The following TMED3 variants were observed in gnomAD, a reference collection of about 807,000 sequenced individuals.
TMED3 encodes the protein transmembrane p24 trafficking protein 3.
A neutral mutation model predicts 15.0 loss-of-function variants in TMED3; 9 were observed. The ratio of observed to expected loss-of-function variants is 0.60; its 90% confidence interval spans 0.36 to 1.04. The LOEUF is 1.04. Ranked by LOEUF, TMED3 falls within the 50% of genes least tolerant of loss-of-function variation. The pLI is 0.01. For missense variants in TMED3, 267 were observed against 278.9 expected (o/e 0.96, Z 0.30); for synonymous variants, 117 against 121.4 (o/e 0.96, Z 0.24).
At chr15:79,395,012 G>A (rs1300224176) in intron 2 of TMED3, among the ~76,000 whole-genome samples, 1 of 152,066 alleles carries the variant, frequency 6.6e-6, no homozygotes, top group African/African-American at 2.4e-5. Flanking sequence ...CTATGTAAGT[G>A]GAAAAATGTT....
intron 2 of TMED3, among the ~76,000 whole-genome samples, chr15:79,409,064 C>T (rs1893937649): frequency 6.6e-6 from 1 of 152,220 alleles, no homozygotes; most frequent in Non-Finnish European, 1.5e-5. Context: ...AAGCCTAAAA[C>T]CTGAAGCTTA....
chr15:79,353,737 A>T (rs1457071911), intron 2 of TMED3, among the ~76,000 whole-genome samples: 1 of 151,904 alleles, frequency 6.6e-6, no homozygotes, highest in Admixed American at 6.6e-5. Context: ...CCACTGTTTT[A>T]AAAAATGAAG....
intron 2 of TMED3, among the ~76,000 whole-genome samples, chr15:79,318,031 G>GC (rs2058748550): frequency 6.6e-6 from 1 of 152,126 alleles, no homozygotes; most frequent in Non-Finnish European, 1.5e-5. Context: ...GCTTCTCCAC[G>GC]CATCCCCATC....
At chr15:79,359,507 C>T (rs892513425) in intron 2 of TMED3, among the ~76,000 whole-genome samples, 4 of 152,070 alleles carry the variant, frequency 2.6e-5, no homozygotes, top group African/African-American at 9.7e-5. Context: ...GGATTACAGG[C>T]ATGAGCCACT....
At chr15:79,339,884 G>GGTA (rs1203182556) in intron 2 of TMED3, among the ~76,000 whole-genome samples, 1 of 122,590 alleles carries the variant, frequency 8.2e-6, no homozygotes, top group East Asian at 2.4e-4. Flanking sequence ...TAGTGGTGAT[G>GGTA]GTGGTGATGG....
intron 2 of TMED3, among the ~76,000 whole-genome samples, chr15:79,319,789 G>C (rs191595892): frequency 2.0e-5 from 3 of 152,288 alleles, no homozygotes; most frequent in Non-Finnish European, 4.4e-5. Context: ...TGGCAGCCAA[G>C]GCAGAGAGAG....
rs570399944 is a variant in TMED3, at chr15:79,370,098, AT to A, written c.418-41292del. Among the ~76,000 whole-genome samples the A allele has an allele frequency of 2.2e-4, 32 of 147,696 alleles. No homozygotes were observed. In the South Asian group the frequency reaches 2.4e-3, roughly 11 times the overall value. On this transcript the variant is annotated intron_variant, in intron 2 of 2. Coordinates refer to the TMED3 transcript ENST00000424155. ...AGAAGAGGTAAAAGGCTATATGTGC[AT>A]TTTTTTTTTGAGACAGAGTCTCACT...
At chr15:79,402,623 CA>C (rs1270467836) in intron 2 of TMED3, among the ~76,000 whole-genome samples, 1 of 151,306 alleles carries the variant, frequency 6.6e-6, no homozygotes, top group African/African-American at 2.4e-5. Context: ...ACTAAAACTA[CA>C]AAAAAAGAAA....
At chr15:79,405,142 T>G (rs2141258679) in intron 2 of TMED3, among the ~76,000 whole-genome samples, 1 of 152,328 alleles carries the variant, frequency 6.6e-6, no homozygotes, top group Middle Eastern at 3.4e-3. Context: ...CATAGTCACT[T>G]GCGATTCTGT....
At chr15:79,357,088 G>T (rs769586786) in intron 2 of TMED3, among the ~76,000 whole-genome samples, 1 of 152,102 alleles carries the variant, frequency 6.6e-6, no homozygotes, top group African/African-American at 2.4e-5. Flanking sequence ...ATATGCATAT[G>T]TTTATATGTG....
chr15:79,337,715 C>T (rs575553489), intron 2 of TMED3, among the ~76,000 whole-genome samples: 4 of 152,168 alleles, frequency 2.6e-5, no homozygotes, highest in Non-Finnish European at 5.9e-5. Context: ...TGGAACAGTT[C>T]GGTAGTGATC....
chr15:79,402,915 G>A (rs1233111782), intron 2 of TMED3, among the ~76,000 whole-genome samples: 1 of 151,958 alleles, frequency 6.6e-6, no homozygotes, highest in Non-Finnish European at 1.5e-5. Context: ...TTGTGAAGGA[G>A]TCTCATCAAG....
chr15:79,316,083 A>T (rs117470603), intron 2 of TMED3: 1 of 152,244 alleles, frequency 6.6e-6, no homozygotes, highest in African/African-American at 2.4e-5. Flanking sequence ...CTTGCTTGGC[A>T]TGGGTCCCCC....
At chr15:79,313,687 C>T in intron 1 of TMED3, 70 bp from the exon 2 acceptor site, 3 of 1,544,692 alleles carry the variant, frequency 1.9e-6, no homozygotes, top group Non-Finnish European at 2.6e-6. Flanking sequence ...AGTCTGATCA[C>T]AGTGTCTGGT....
At position 79,375,765 on chromosome 15, in the gene TMED3, G is replaced by A. The variant is rs556054501; in HGVS notation, c.418-35635G>A. Among the ~76,000 whole-genome samples, 16 of 152,162 alleles carry A rather than the reference G, an allele frequency of 1.1e-4. No individual in the cohort carries two copies. In the South Asian group the frequency reaches 3.3e-3, roughly 32 times the overall value. On this transcript the variant is annotated intron_variant, in intron 2 of 2. Transcript: ENST00000424155. ...GCATGAGCCAGTCACCTCCCACCAGGCCCCACCTCCACTCCACCACTGGGG... is the reference window on the plus strand; with the variant it reads ...GCATGAGCCAGTCACCTCCCACCAGACCCCACCTCCACTCCACCACTGGGG...
At chr15:79,351,027 G>A (rs1393877813) in intron 2 of TMED3, among the ~76,000 whole-genome samples, 1 of 152,194 alleles carries the variant, frequency 6.6e-6, no homozygotes, top group Non-Finnish European at 1.5e-5. Context: ...CAAGTGTGCT[G>A]TAAGCCACGT....
At chr15:79,318,373 A>C (rs529992807) in intron 2 of TMED3, among the ~76,000 whole-genome samples, 1 of 152,326 alleles carries the variant, frequency 6.6e-6, no homozygotes, top group Admixed American at 6.5e-5. Context: ...CTGGAAGGAA[A>C]GTAAGCATTG....
At chr15:79,406,576 G>A (rs1332366471) in intron 2 of TMED3, among the ~76,000 whole-genome samples, 1 of 152,182 alleles carries the variant, frequency 6.6e-6, no homozygotes, top group Non-Finnish European at 1.5e-5. Context: ...CTTTGGGAAA[G>A]GACTGGAAGA....
At chr15:79,313,065 A>T (rs1274611049) in intron 1 of TMED3, among the ~76,000 whole-genome samples, 1 of 152,206 alleles carries the variant, frequency 6.6e-6, no homozygotes, top group Non-Finnish European at 1.5e-5. Flanking sequence ...TTTAGGTGTG[A>T]TAACTTATTG....
Sources: gnomAD v4.1 joint callset for allele counts (sites outside exome capture counted in the v4.1 genomes callset) on GRCh38, gnomAD v4.1.1 for gene constraint, MANE v1.5 for transcripts, NCBI Gene and HGNC (gene_info 2026-07-23, HGNC 2026-07-21) for gene names.